Variants in EPAS1 observed in about 807,000 individuals in gnomAD.
The protein encoded by EPAS1 is endothelial PAS domain protein 1.
EPAS1 carries 23 observed loss-of-function variants against 87.9 expected under a neutral mutation model. That is an observed-to-expected ratio of 0.26 (90% confidence interval 0.19 to 0.37). The LOEUF is 0.37. EPAS1 is among the 10% of genes least tolerant of loss of function. The probability of loss-of-function intolerance (pLI) is 1.00; values close to 1 mark genes in which losing one functional copy is unlikely to be tolerated. For synonymous variants in EPAS1, 508 were observed against 444.3 expected, an observed-to-expected ratio of 1.14 and a Z score of -1.80; for missense variants, 1,138 against 1,120.7, an observed-to-expected ratio of 1.02 and a Z score of -0.22.
chr2:46,365,038 G>T (rs559957695), intron 6 of EPAS1, among the ~76,000 whole-genome samples: 38 of 152,322 alleles, frequency 2.5e-4, no homozygotes, highest in African/African-American at 8.9e-4. Context: ...CTTTAAAATA[G>T]GGTGGTTCTT....
Position 46,376,526 on chromosome 2 carries a change from T to C in EPAS1, c.1035-13T>C, listed in dbSNP as rs1558609392. On this transcript the variant is annotated splice_polypyrimidine_tract_variant and intron_variant, in intron 8 of 15. Transcript: ENST00000263734. ...AATGTGGAAAGTCTGAATGGCTCTTTCCCCCCCATTAGTGAGATTGAGAAG... is the reference window on the plus strand; with the variant it reads ...AATGTGGAAAGTCTGAATGGCTCTTCCCCCCCCATTAGTGAGATTGAGAAG... The C allele has an allele frequency of 2.9e-5, 47 of 1,612,894 alleles. No homozygotes were observed. Among genetic ancestry groups the C allele is most frequent in the Non-Finnish European group, 3.9e-5 (46 of 1,179,122 alleles).
chr2:46,367,983 G>C (rs1418617650), intron 6 of EPAS1, among the ~76,000 whole-genome samples: 1 of 152,206 alleles, frequency 6.6e-6, no homozygotes, highest in East Asian at 1.9e-4. Context: ...TAGATCCTTA[G>C]TGCCCAGGTT....
Position 46,380,699 on chromosome 2 carries a change from T to C in EPAS1, c.2027T>C (p.Val676Ala), listed in dbSNP as rs1684869462. 1 of 1,612,354 alleles carries C rather than the reference T, an allele frequency of 6.2e-7. No homozygotes were observed. Among genetic ancestry groups the C allele is most frequent in the African/African-American group, 1.3e-5 (1 of 74,820 alleles). Reference sequence around the variant, plus strand: ...GGGCCCCCTGTCTCTCCACCCCATGTCTCCACCTTCAAGACAAGGTAAGTG... The same window carrying C: ...GGGCCCCCTGTCTCTCCACCCCATGCCTCCACCTTCAAGACAAGGTAAGTG... The part of the protein sequence containing the change: ...PLGPPVSPPH[V>A]STFKTRSAKG... Residue 676 changes from valine to alanine, a missense_variant, in exon 12 of 16, where the codon GTC (valine) becomes GCC (alanine). By Grantham distance (64) the Val-to-Ala change is moderately conservative. Transcript: ENST00000263734. This position sits in a 1 kb window ranked among gnomAD's most constrained non-coding sequence, Gnocchi z 4.4.
intron 10 of EPAS1, among the ~76,000 whole-genome samples, chr2:46,378,385 G>C (rs1295213921): frequency 6.6e-6 from 1 of 152,218 alleles, no homozygotes; most frequent in Non-Finnish European, 1.5e-5. Context: ...CAGCCCTGCT[G>C]GCCACAGCCT....
chr2:46,298,963 C>G (rs1036988689), intron 1 of EPAS1, among the ~76,000 whole-genome samples: 5 of 152,232 alleles, frequency 3.3e-5, no homozygotes, highest in Admixed American at 6.5e-5. Context: ...CGCTTGGCCG[C>G]GGCTTGGCGA....
intron 6 of EPAS1, among the ~76,000 whole-genome samples, chr2:46,366,160 T>G (rs2346176): frequency 6.6e-6 from 1 of 152,138 alleles, no homozygotes; most frequent in Non-Finnish European, 1.5e-5. Flanking sequence ...GGCGATTACA[T>G]GCGGGGAAGA....
chr2:46,298,682 G>A (rs1682935868), intron 1 of EPAS1, among the ~76,000 whole-genome samples: 1 of 152,232 alleles, frequency 6.6e-6, no homozygotes. Context: ...ACAGAGAAGG[G>A]CAGCCACGAT....
intron 2 of EPAS1, among the ~76,000 whole-genome samples, chr2:46,355,527 C>A (rs570629737): frequency 6.6e-6 from 1 of 152,188 alleles, no homozygotes; most frequent in African/African-American, 2.4e-5. Flanking sequence ...GCTACCTCGT[C>A]GGTCACTGTG....
chr2:46,358,313 A>G (rs1402656898), intron 4 of EPAS1, among the ~76,000 whole-genome samples: 2 of 152,158 alleles, frequency 1.3e-5, no homozygotes, highest in African/African-American at 4.8e-5. Context: ...CCTAGGGTAC[A>G]CTGGCAGAGA....
At chr2:46,311,497 G>A (rs1683211578) in intron 1 of EPAS1, among the ~76,000 whole-genome samples, 1 of 152,152 alleles carries the variant, frequency 6.6e-6, no homozygotes, top group Non-Finnish European at 1.5e-5. Flanking sequence ...AGGCTAGAAA[G>A]TGTTGTTTAC....
At chr2:46,362,669 T>C (rs1684417414) in intron 6 of EPAS1, among the ~76,000 whole-genome samples, 1 of 152,160 alleles carries the variant, frequency 6.6e-6, no homozygotes. Context: ...CTCTCCAGGA[T>C]GGGGTTTCTC....
chr2:46,360,620 C>T lies in EPAS1; in HGVS notation c.455-18C>T. The T allele has an allele frequency of 1.2e-6, 2 of 1,609,352 alleles. No homozygotes were observed. Among genetic ancestry groups the T allele is most frequent in the South Asian group, 1.1e-5 (1 of 90,966 alleles). ...TAAAACTGACTTCAGCTGGTTCTTC[C>T]CATCCTTCCACATCCAGGCTCTGGT... On this transcript the variant is annotated intron_variant, in intron 4 of 15. Transcript: ENST00000263734. The surrounding 1 kb of genome is among the most constrained non-coding windows in gnomAD (Gnocchi z 4.5).
At chr2:46,363,768 C>G (rs1380814066) in intron 6 of EPAS1, among the ~76,000 whole-genome samples, 1 of 152,212 alleles carries the variant, frequency 6.6e-6, no homozygotes, top group Non-Finnish European at 1.5e-5. Context: ...GCGAGACACA[C>G]TGCATTTTCA....
rs187821419 is a variant in EPAS1, at chr2:46,377,718, T to C, written c.1250-176T>C. On this transcript the variant is annotated intron_variant, in intron 9 of 15. Transcript: ENST00000263734. ...TAAAGGGAGTCTCTACGTTGACTCA[T>C]AGCCAGAGTCAAAGACCCATGTGTT... Among the ~76,000 whole-genome samples, 8,284 of 152,230 alleles carry C rather than the reference T, an allele frequency of 0.054. 480 individuals carry two copies. Among genetic ancestry groups the C allele is most frequent in the African/African-American group, 0.14 (5,761 of 41,492 alleles).
At position 46,347,285 on chromosome 2, in the gene EPAS1, G is replaced by A. The variant is rs1046115209; in HGVS notation, c.217+222G>A. On this transcript the variant is annotated intron_variant, in intron 2 of 15. Coordinates refer to ENST00000263734, the MANE Select transcript of EPAS1 (RefSeq NM_001430.5). The surrounding 1 kb of genome is among the most constrained non-coding windows in gnomAD (Gnocchi z 4.2). ...AGCTGTGAGAGGAGGGCAGGGACAG[G>A]ACCAGGGAAGAACATGGGCACCCAG... 1.3e-5 allele frequency: 8 copies of A among 612,522 alleles called. 1 individual carries two copies. In the Admixed American group the frequency reaches 1.8e-4, roughly 14 times the overall value. The allele number at this position is 612,522 out of a possible 1,614,324, so 37.9% of individuals were successfully genotyped here.
chr2:46,378,150 G>A (rs1684800466), intron 10 of EPAS1, 63 bp downstream of exon 10: 1 of 1,540,362 alleles, frequency 6.5e-7, no homozygotes, highest in South Asian at 1.2e-5. Flanking sequence ...GCTGCCAGAT[G>A]GCTGAAGGGA....
intron 4 of EPAS1, among the ~76,000 whole-genome samples, chr2:46,359,805 G>A (rs939011393): frequency 2.0e-5 from 3 of 152,230 alleles, no homozygotes; most frequent in Admixed American, 6.5e-5. Flanking sequence ...AGATGGTGGT[G>A]TAGGCAGGAT....
Position 46,348,778 on chromosome 2 carries a change from C to T in EPAS1, c.217+1715C>T, listed in dbSNP as rs375117837. On this transcript the variant is annotated intron_variant, in intron 2 of 15. Coordinates refer to ENST00000263734, the MANE Select transcript of EPAS1 (RefSeq NM_001430.5). Reference sequence around the variant, plus strand: ...GCTTGCATTGTATTTATCAGTTGAGCATCCCTAACCCAAAAATCTGAAATT... The same window carrying T: ...GCTTGCATTGTATTTATCAGTTGAGTATCCCTAACCCAAAAATCTGAAATT... Among the ~76,000 whole-genome samples the T allele has an allele frequency of 5.7e-4, 87 of 152,310 alleles. 2 individuals are homozygous for T. The South Asian group carries it at 0.018, about 31-fold the overall frequency.
In EPAS1 at chr2:46,371,068, G is replaced by A. The variant is rs1048923954; in HGVS notation, c.886+1135G>A. On this transcript the variant is annotated intron_variant, in intron 7 of 15. Coordinates refer to ENST00000263734, the MANE Select transcript of EPAS1 (RefSeq NM_001430.5). The surrounding 1 kb of genome is among the most constrained non-coding windows in gnomAD (Gnocchi z 4.3). ...ACTATATAAACCGATGGGCAAGACTGTATTTGGAAAAGAATGCTTCAAAAC... is the reference window on the plus strand; with the variant it reads ...ACTATATAAACCGATGGGCAAGACTATATTTGGAAAAGAATGCTTCAAAAC... 2.6e-5 allele frequency among the ~76,000 whole-genome samples: 4 copies of A among 152,194 alleles called. No homozygotes were observed. Among genetic ancestry groups the A allele is most frequent in the Non-Finnish European group, 4.4e-5 (3 of 68,030 alleles).
Sources: allele counts gnomAD v4.1 joint callset (sites outside exome capture counted in the v4.1 genomes callset), GRCh38; gene constraint gnomAD v4.1.1; non-coding constraint Gnocchi (gnomAD v3.1); transcripts MANE v1.5; gene names NCBI Gene and HGNC (gene_info 2026-07-23, HGNC 2026-07-21).